SCARA5: variants seen among roughly 807,000 people sequenced by gnomAD.
SCARA5 encodes scavenger receptor class A member 5.
Under a neutral mutation model 46.3 loss-of-function variants are expected in SCARA5, and 45 were observed. The observed-to-expected ratio is 0.97, with a 90% confidence interval of 0.76 to 1.24. SCARA5 has a LOEUF of 1.24. Ranked by LOEUF, SCARA5 falls within the 50% of genes most tolerant of loss-of-function variation. The pLI, the probability that SCARA5 is intolerant of heterozygous loss-of-function variation, is 0.00. For missense variants in SCARA5, 680 were observed against 689.0 expected (o/e 0.99, Z 0.15); for synonymous variants, 333 against 306.5 (o/e 1.09, Z -0.90).
At chr8:27,883,012 A>G (rs1231264593) in intron 7 of SCARA5, among the ~76,000 whole-genome samples, 1 of 152,220 alleles carries the variant, frequency 6.6e-6, no homozygotes, top group Non-Finnish European at 1.5e-5. Context: ...AATGCAACAA[A>G]GCTAAAAGGG....
chr8:27,891,205 TTTTTG>T (rs1461106287), intron 7 of SCARA5, among the ~76,000 whole-genome samples: 2 of 69,302 alleles, frequency 2.9e-5, no homozygotes, highest in Non-Finnish European at 4.2e-5. Flanking sequence ...GTTTGTTTTT[TTTTTG>T]TTTTTTTTTT....
intron 6 of SCARA5, among the ~76,000 whole-genome samples, chr8:27,906,922 G>A (rs901990705): frequency 6.6e-6 from 1 of 152,160 alleles, no homozygotes; most frequent in African/African-American, 2.4e-5. Context: ...CACCTGCCTG[G>A]TCCTCTCAAA....
At chr8:27,953,434 C>T (rs950022648) in intron 3 of SCARA5, among the ~76,000 whole-genome samples, 1 of 152,162 alleles carries the variant, frequency 6.6e-6, no homozygotes, top group African/African-American at 2.4e-5. Flanking sequence ...GGTAGAGGGT[C>T]CGACAGTGGA....
intron 3 of SCARA5, among the ~76,000 whole-genome samples, chr8:27,926,529 T>C (rs934407974): frequency 1.3e-5 from 2 of 152,138 alleles, no homozygotes; most frequent in African/African-American, 4.8e-5. Flanking sequence ...CAAACCAACA[T>C]GGCACATGTT....
intron 3 of SCARA5, among the ~76,000 whole-genome samples, chr8:27,929,579 T>C (rs1807735451): frequency 6.6e-6 from 1 of 152,182 alleles, no homozygotes; most frequent in African/African-American, 2.4e-5. Context: ...ATGCTGAATC[T>C]CATTTAAGGA....
rs543581992 is a variant in SCARA5 at position 27,933,866 on chromosome 8, A to T, written c.242-11621T>A. On this transcript the variant is annotated intron_variant, in intron 3 of 8. Transcript: ENST00000354914. ...ATCATAATTATAAAAGACAGGGAGA[A>T]GTTGGGAAAATGCTTATGAAATAGT... Among the ~76,000 whole-genome samples the T allele has an allele frequency of 3.0e-3, 457 of 152,338 alleles. 1 individual carries two copies. Among genetic ancestry groups the T allele is most frequent in the African/African-American group, 0.01 (416 of 41,582 alleles).
intron 3 of SCARA5, among the ~76,000 whole-genome samples, chr8:27,936,068 T>A (rs1807851273): frequency 6.6e-6 from 1 of 152,078 alleles, no homozygotes; most frequent in Non-Finnish European, 1.5e-5. Flanking sequence ...CTGCCCAGAA[T>A]TAGGAGGAGC....
intron 8 of SCARA5, among the ~76,000 whole-genome samples, chr8:27,878,330 C>T (rs1437310732): frequency 6.6e-6 from 1 of 152,164 alleles, no homozygotes; most frequent in Admixed American, 6.5e-5. Flanking sequence ...GCAACAGGGC[C>T]AGGACATGCC....
intron 5 of SCARA5, among the ~76,000 whole-genome samples, chr8:27,908,407 C>A (rs763218496): frequency 6.6e-6 from 1 of 152,194 alleles, no homozygotes; most frequent in African/African-American, 2.4e-5. Context: ...GCCCTGGCCC[C>A]ATGAGGCCTG....
chr8:27,972,988 T>G (rs1808469399), intron 2 of SCARA5, among the ~76,000 whole-genome samples: 1 of 152,220 alleles, frequency 6.6e-6, no homozygotes, highest in South Asian at 2.1e-4. Flanking sequence ...TTTACCTCTC[T>G]GGCGACCCCA....
intron 7 of SCARA5, chr8:27,885,992 G>A (rs556213752): frequency 1.7e-4 from 26 of 154,864 alleles, no homozygotes; most frequent in Middle Eastern, 5.2e-4. Context: ...GATGTCTCTG[G>A]CCCATGGCCC....
At chr8:27,961,629 A>T (rs1356512950) in intron 3 of SCARA5, among the ~76,000 whole-genome samples, 1 of 152,196 alleles carries the variant, frequency 6.6e-6, no homozygotes, top group South Asian at 2.1e-4. Flanking sequence ...ATAGCTGGTG[A>T]TAGAGAAGCC....
intron 3 of SCARA5, among the ~76,000 whole-genome samples, chr8:27,941,309 T>C (rs536426851): frequency 1.3e-5 from 2 of 152,328 alleles, no homozygotes; most frequent in Admixed American, 6.5e-5. Flanking sequence ...AATGTTGACC[T>C]TGGAGTCCAG....
intron 7 of SCARA5, among the ~76,000 whole-genome samples, chr8:27,891,208 T>G (rs1806976028): frequency 1.3e-5 from 1 of 75,602 alleles, no homozygotes; most frequent in Admixed American, 1.4e-4. Context: ...TGTTTTTTTT[T>G]TGTTTTTTTT....
At chr8:27,881,552 GA>G (rs1307962597) in intron 7 of SCARA5, among the ~76,000 whole-genome samples, 3 of 152,058 alleles carry the variant, frequency 2.0e-5, no homozygotes, top group Non-Finnish European at 4.4e-5. Flanking sequence ...GGTAAGGGTT[GA>G]AAACCTAACT....
intron 7 of SCARA5, among the ~76,000 whole-genome samples, chr8:27,881,661 C>T (rs945650016): frequency 2.0e-5 from 3 of 152,084 alleles, no homozygotes; most frequent in Non-Finnish European, 1.5e-5. Context: ...CACATGTACC[C>T]CCTGAATCTA....
chr8:27,963,675 GC>G (rs1808323903), intron 3 of SCARA5, among the ~76,000 whole-genome samples: 1 of 152,138 alleles, frequency 6.6e-6, no homozygotes, highest in Non-Finnish European at 1.5e-5. Flanking sequence ...GTACATGTTT[GC>G]CTTTTACTTT....
At chr8:27,934,183 T>C (rs1807820171) in intron 3 of SCARA5, among the ~76,000 whole-genome samples, 1 of 152,108 alleles carries the variant, frequency 6.6e-6, no homozygotes, top group Non-Finnish European at 1.5e-5. Flanking sequence ...AGAAGGCAGC[T>C]GATGGGCAGG....
intron 3 of SCARA5, among the ~76,000 whole-genome samples, chr8:27,947,964 G>T (rs1646782320): frequency 6.6e-6 from 1 of 152,124 alleles, no homozygotes; most frequent in Non-Finnish European, 1.5e-5. Flanking sequence ...TAGAATGGGG[G>T]TTGCCAGGGG....
Sources: gnomAD v4.1 joint callset for allele counts (sites outside exome capture counted in the v4.1 genomes callset) on GRCh38, gnomAD v4.1.1 for gene constraint, MANE v1.5 for transcripts, NCBI Gene and HGNC (gene_info 2026-07-23, HGNC 2026-07-21) for gene names.